Variants in PIEZO2 observed in about 807,000 individuals in gnomAD.
PIEZO2 encodes piezo type mechanosensitive ion channel component 2.
In PIEZO2, 172 loss-of-function variants were observed where a neutral mutation model predicts 337.3. That is an observed-to-expected ratio of 0.51 (90% CI 0.45 to 0.58). PIEZO2 has a LOEUF of 0.58. Among genes scored for constraint, PIEZO2 ranks in the 20% least tolerant of loss-of-function variants. The pLI, the probability that PIEZO2 is intolerant of heterozygous loss-of-function variation, is 0.00. For synonymous variants in PIEZO2, 1,251 were observed against 1,228.5 expected (o/e 1.02, Z -0.38); for missense variants, 3,028 against 3,391.3 (o/e 0.89, Z 2.66).
chr18:10,910,833 T>C (rs2030415330), intron 4 of PIEZO2, among the ~76,000 whole-genome samples: 1 of 152,086 alleles, frequency 6.6e-6, no homozygotes, highest in Non-Finnish European at 1.5e-5. Flanking sequence ...GTTCTAAAAC[T>C]GTAGAATTGG....
At chr18:10,865,361 G>C (rs1486781946) in intron 5 of PIEZO2, among the ~76,000 whole-genome samples, 3 of 152,244 alleles carry the variant, frequency 2.0e-5, no homozygotes, top group Non-Finnish European at 4.4e-5. Context: ...GGAAGCTCAA[G>C]TGGGGAGATC....
At chr18:11,122,985 A>T (rs941077569) in intron 1 of PIEZO2, among the ~76,000 whole-genome samples, 2 of 117,836 alleles carry the variant, frequency 1.7e-5, no homozygotes, top group Admixed American at 1.7e-4. Context: ...CAATGCATAC[A>T]TATAATGTGC....
In PIEZO2 at chr18:10,720,914, T is replaced by C. The variant is rs2036284352; in HGVS notation, c.5030-2655A>G. 2.0e-5 allele frequency among the ~76,000 whole-genome samples: 3 copies of C among 152,230 alleles called. No individual in the cohort carries two copies. The South Asian group carries it at 6.2e-4, about 32-fold the overall frequency. ...ATTTTTTATGCATGGGCTTGCTTTC[T>C]TCTGCTAGAATGTCAGGCTGTGTAC... On this transcript the variant is annotated intron_variant, in intron 36 of 55. Transcript: ENST00000674853.
chr18:10,960,423 A>G (rs2033715022), intron 3 of PIEZO2, among the ~76,000 whole-genome samples: 1 of 152,138 alleles, frequency 6.6e-6, no homozygotes, highest in Non-Finnish European at 1.5e-5. Flanking sequence ...TAAACCCTAA[A>G]AGTATTAAAA....
Position 11,048,658 on chromosome 18 carries a change from A to G in PIEZO2, c.160+17469T>C, listed in dbSNP as rs2037410192. On this transcript the variant is annotated intron_variant, in intron 2 of 55. Coordinates refer to ENST00000674853, the MANE Select transcript of PIEZO2 (RefSeq NM_001378183.1). The surrounding 1 kb of genome is among the most constrained non-coding windows in gnomAD (Gnocchi z 4.5). Reference sequence around the variant, plus strand: ...ATTAGAAGCTTTCACTCACTGAATCAATTTTTAAAAATGATAGTTTCAGGA... The same window carrying G: ...ATTAGAAGCTTTCACTCACTGAATCGATTTTTAAAAATGATAGTTTCAGGA... 6.6e-6 allele frequency among the ~76,000 whole-genome samples: 1 copy of G among 152,346 alleles called. No individual in the cohort carries two copies. Among genetic ancestry groups the G allele is most frequent in the Non-Finnish European group, 1.5e-5 (1 of 68,028 alleles).
chr18:10,972,998 C>G (rs1000068955), intron 3 of PIEZO2, among the ~76,000 whole-genome samples: 1 of 152,136 alleles, frequency 6.6e-6, no homozygotes, highest in African/African-American at 2.4e-5. Flanking sequence ...CTTTCCCCAC[C>G]AGTAATACGA....
At chr18:11,137,206 TA>T (rs745580318) in intron 1 of PIEZO2, among the ~76,000 whole-genome samples, 1 of 152,164 alleles carries the variant, frequency 6.6e-6, no homozygotes, top group Non-Finnish European at 1.5e-5. Context: ...AACTGTTTTG[TA>T]AAATCCTGAA....
At chr18:11,135,541 AGATTGATT>A (rs200521691) in intron 1 of PIEZO2, among the ~76,000 whole-genome samples, 12 of 152,162 alleles carry the variant, frequency 7.9e-5, no homozygotes, top group African/African-American at 2.9e-4. Flanking sequence ...TTCACGTTGC[AGATTGATT>A]GATTGATTGA....
chr18:10,780,194 T>C lies in PIEZO2; in HGVS notation c.2534+131A>G. On this transcript the variant is annotated intron_variant, in intron 18 of 55. Coordinates refer to ENST00000674853, the MANE Select transcript of PIEZO2 (RefSeq NM_001378183.1). Reference sequence around the variant, plus strand: ...CAAATGGTTTGGTTTGCAAAATACATCCATGAGCATACCTGAAGACCAGTG... The same window carrying C: ...CAAATGGTTTGGTTTGCAAAATACACCCATGAGCATACCTGAAGACCAGTG... 6.2e-6 allele frequency: 4 copies of C among 648,180 alleles called. 1 individual carries two copies. Among genetic ancestry groups the C allele is most frequent in the South Asian group, 5.2e-5 (3 of 57,572 alleles). 40.2% of individuals were successfully genotyped at this position (648,180 alleles called of 1,614,324 possible).
At position 10,854,249 on chromosome 18, in the gene PIEZO2, G is replaced by A. The variant is rs2144686332; in HGVS notation, c.917+1104C>T. ...TAGCTCATCTGTTGCATCACACTGA[G>A]AGGTGTGAAATGTTAAGCTATCTCA... On this transcript the variant is annotated intron_variant, in intron 7 of 55. Coordinates refer to ENST00000674853, the MANE Select transcript of PIEZO2 (RefSeq NM_001378183.1). This position sits in a 1 kb window ranked among gnomAD's most constrained non-coding sequence, Gnocchi z 4.6. Among the ~76,000 whole-genome samples the A allele has an allele frequency of 1.3e-5, 2 of 152,296 alleles. No homozygotes were observed. Among genetic ancestry groups the A allele is most frequent in the East Asian group, 3.9e-4 (2 of 5,186 alleles).
chr18:10,746,153 A>T lies in PIEZO2; in HGVS notation c.4425-1922T>A, dbSNP rs1441511287. On this transcript the variant is annotated intron_variant, in intron 30 of 55. Transcript: ENST00000674853. This position sits in a 1 kb window ranked among gnomAD's most constrained non-coding sequence, Gnocchi z 4.2. The stretch of plus-strand genomic sequence containing the variant: ...TCTGCCTACAGCGCTGCCTATACCC[A>T]TCTATTCTCCATACCACAAACAGAG... Among the ~76,000 whole-genome samples, 1 of 152,160 alleles carries T rather than the reference A, an allele frequency of 6.6e-6. No homozygotes were observed. The highest frequency in any genetic ancestry group is 1.5e-5 in the Non-Finnish European group (1 of 68,032).
rs1427889445 is a variant in PIEZO2 at position 10,673,826 on chromosome 18, G to A, written c.8162-953C>T. On this transcript the variant is annotated intron_variant, in intron 54 of 55. Transcript: ENST00000674853. The surrounding 1 kb of genome is among the most constrained non-coding windows in gnomAD (Gnocchi z 4.8). ...AGATCACAGGTGTCCAATCTTTTGG[G>A]TTCGCTGGGCCACATTGGAAGAAGA... 2.0e-5 allele frequency among the ~76,000 whole-genome samples: 3 copies of A among 152,140 alleles called. No homozygotes were observed. The highest frequency in any genetic ancestry group is 7.2e-5 in the African/African-American group (3 of 41,432).
At chr18:10,699,314 A>G in intron 43 of PIEZO2, 137 bp from the exon 44 acceptor site, 3 of 1,199,020 alleles carry the variant, frequency 2.5e-6, no homozygotes, top group Non-Finnish European at 2.3e-6. Context: ...CTGTGTCCCC[A>G]TATCTCATCT....
intron 7 of PIEZO2, among the ~76,000 whole-genome samples, chr18:10,825,844 C>T (rs925920959): frequency 2.0e-5 from 3 of 152,134 alleles, no homozygotes; most frequent in Non-Finnish European, 4.4e-5. Context: ...AGCCACCATG[C>T]CTGGCCTCCA....
rs984037810 is a variant in PIEZO2 at position 10,781,485 on chromosome 18, C to A, written c.2493-1119G>T. 1.4e-4 allele frequency among the ~76,000 whole-genome samples: 20 copies of A among 147,346 alleles called. No individual in the cohort carries two copies. The highest frequency in any genetic ancestry group is 3.8e-4 in the African/African-American group (15 of 39,526). On this transcript the variant is annotated intron_variant, in intron 17 of 55. Transcript: ENST00000674853. This position sits in a 1 kb window ranked among gnomAD's most constrained non-coding sequence, Gnocchi z 4.1. Reference sequence around the variant, plus strand: ...ACTCCGTTTCAAATAAAAAAAAAAACCAGTAATGAATATTTAAATAGTCCT... The same window carrying A: ...ACTCCGTTTCAAATAAAAAAAAAAAACAGTAATGAATATTTAAATAGTCCT...
At chr18:11,086,249 A>G (rs1232921362) in intron 1 of PIEZO2, among the ~76,000 whole-genome samples, 1 of 152,162 alleles carries the variant, frequency 6.6e-6, no homozygotes, top group Non-Finnish European at 1.5e-5. Flanking sequence ...GGCCGGGCGC[A>G]GTGGCTCATG....
At chr18:10,898,900 G>C (rs1216180755) in intron 4 of PIEZO2, among the ~76,000 whole-genome samples, 2 of 152,136 alleles carry the variant, frequency 1.3e-5, no homozygotes, top group African/African-American at 2.4e-5. Context: ...GAAAGAAAAG[G>C]ATTAAGTAAA....
In PIEZO2 at chr18:10,850,133, T is replaced by C. The variant is rs2041499043; in HGVS notation, c.917+5220A>G. 1.3e-5 allele frequency among the ~76,000 whole-genome samples: 2 copies of C among 152,184 alleles called. No individual in the cohort carries two copies. Among genetic ancestry groups the C allele is most frequent in the Non-Finnish European group, 1.5e-5 (1 of 68,014 alleles). ...GGAAAATATGCTCGTGCCACACCTG[T>C]GTGCATAAACGGAAGGGAATCACTA... On this transcript the variant is annotated intron_variant, in intron 7 of 55. Coordinates refer to ENST00000674853, the MANE Select transcript of PIEZO2 (RefSeq NM_001378183.1). This position sits in a 1 kb window ranked among gnomAD's most constrained non-coding sequence, Gnocchi z 4.5.
chr18:11,007,782 A>G (rs1173181425), intron 2 of PIEZO2, among the ~76,000 whole-genome samples: 1 of 152,172 alleles, frequency 6.6e-6, no homozygotes, highest in Non-Finnish European at 1.5e-5. Context: ...TAGCAAAACT[A>G]TCCTTTGAAA....
Sources: gnomAD v4.1 joint callset for allele counts (sites outside exome capture counted in the v4.1 genomes callset) on GRCh38, gnomAD v4.1.1 for gene constraint, Gnocchi (gnomAD v3.1) non-coding constraint, MANE v1.5 for transcripts, NCBI Gene and HGNC (gene_info 2026-07-23, HGNC 2026-07-21) for gene names.